The following FRMPD4 variants were observed in gnomAD, a reference collection of about 807,000 sequenced individuals.
The protein encoded by FRMPD4 is FERM and PDZ domain containing 4.
In FRMPD4, 22 loss-of-function variants were observed where a neutral mutation model predicts 94.1. The observed-to-expected ratio is 0.23, with a 90% CI of 0.17 to 0.33. The LOEUF (loss-of-function observed/expected upper bound fraction) is 0.33. FRMPD4 is among the 10% of genes least tolerant of loss of function. The probability of loss-of-function intolerance (pLI) is 1.00; values close to 1 mark genes in which losing one functional copy is unlikely to be tolerated. For synonymous variants in FRMPD4, 631 were observed against 548.6 expected (o/e 1.15, Z -2.10); for missense variants, 1,111 against 1,339.9 (o/e 0.83, Z 2.67).
chrX:11,955,593 T>C (rs6639109), intron 3 of FRMPD4, among the ~76,000 whole-genome samples: 5,209 of 109,358 alleles, frequency 0.048, 200 homozygotes, highest in East Asian at 0.24. Flanking sequence ...TACAAAAAAA[T>C]TAGCTGGGCG....
intron 1 of FRMPD4, among the ~76,000 whole-genome samples, chrX:12,292,746 A>G (rs755613764): frequency 8.1e-5 from 9 of 111,412 alleles, no homozygotes; most frequent in Non-Finnish European, 1.5e-4. Context: ...GCATTATTAT[A>G]AACAAACCAT....
chrX:12,463,698 GT>G (rs1357648486), intron 1 of FRMPD4, among the ~76,000 whole-genome samples: 7 of 81,462 alleles, frequency 8.6e-5, no homozygotes, highest in Admixed American at 1.7e-4. Flanking sequence ...TTTTGTTTTT[GT>G]TTTTTTTTTT....
intron 2 of FRMPD4, among the ~76,000 whole-genome samples, chrX:12,501,458 C>G (rs1418312117): frequency 2.3e-4 from 21 of 91,046 alleles, no homozygotes; most frequent in African/African-American, 7.7e-4. Flanking sequence ...TTTTTTTTTA[C>G]TTACTAGGTA....
intron 1 of FRMPD4, among the ~76,000 whole-genome samples, chrX:12,419,906 A>T (rs1164998985): frequency 1.8e-5 from 2 of 111,320 alleles, no homozygotes; most frequent in East Asian, 5.6e-4. Flanking sequence ...TTAAAGGTTA[A>T]CGACCTGTGG....
At chrX:12,168,711 C>T (rs377689427) in intron 1 of FRMPD4, among the ~76,000 whole-genome samples, 80 of 104,532 alleles carry the variant, frequency 7.7e-4, no homozygotes, top group African/African-American at 2.4e-3. Flanking sequence ...CTGCCAGCTC[C>T]GCCTCCTGGG....
intron 1 of FRMPD4, among the ~76,000 whole-genome samples, chrX:11,852,209 C>A (rs1401083491): frequency 1.8e-5 from 2 of 110,244 alleles, no homozygotes; most frequent in Admixed American, 1.9e-4. Flanking sequence ...TTACTAACAT[C>A]TGGGCCACAC....
intron 3 of FRMPD4, among the ~76,000 whole-genome samples, chrX:12,124,333 A>C (rs867745061): frequency 2.7e-5 from 3 of 111,693 alleles, no homozygotes; most frequent in Non-Finnish European, 5.6e-5. Flanking sequence ...TTTCTCCCAC[A>C]CTAGAAGGTA....
intron 3 of FRMPD4, among the ~76,000 whole-genome samples, chrX:11,994,388 A>G (rs151053338): frequency 9.0e-6 from 1 of 111,712 alleles, no homozygotes; most frequent in East Asian, 2.8e-4. Flanking sequence ...TGGCTCTAGT[A>G]CAGACCTCTC....
chrX:12,498,389 T>G (rs184769107), intron 1 of FRMPD4, among the ~76,000 whole-genome samples: 30 of 111,487 alleles, frequency 2.7e-4, no homozygotes, highest in Non-Finnish European at 5.5e-4. Flanking sequence ...AGACTGTGAC[T>G]ACAAGGCTGC....
intron 3 of FRMPD4, among the ~76,000 whole-genome samples, chrX:11,911,844 G>C: frequency 8.9e-6 from 1 of 112,062 alleles, no homozygotes; most frequent in Non-Finnish European, 1.9e-5. Flanking sequence ...AGCAATCAGA[G>C]GAAATAACCA....
intron 1 of FRMPD4, among the ~76,000 whole-genome samples, chrX:12,376,773 T>G (rs779728606): frequency 8.9e-6 from 1 of 112,990 alleles, no homozygotes; most frequent in African/African-American, 3.2e-5. Flanking sequence ...ATTATTTGGC[T>G]TATAACTCAG....
In FRMPD4 at chrX:12,067,278, C is replaced by T. The variant is rs188059435; in HGVS notation, c.95+189260C>T. Among the ~76,000 whole-genome samples the T allele has an allele frequency of 2.3e-3, 254 of 111,333 alleles. 1 individual carries two copies. Among genetic ancestry groups the T allele is most frequent in the Non-Finnish European group, 2.6e-3 (137 of 53,021 alleles). ...AGATAGCCACCGCACCTTTGATCCC[C>T]GGTTCTCCACTGGCTTGCAGACATT... On this transcript the variant is annotated intron_variant, in intron 3 of 18. Coordinates refer to the FRMPD4 transcript ENST00000640291.
chrX:12,302,690 T>C lies in FRMPD4; in HGVS notation c.41+163678T>C, dbSNP rs1463367138. On this transcript the variant is annotated intron_variant, in intron 1 of 16. Transcript: ENST00000675598. ...CCTACCTTCTGATAAGCTTAAGAAA[T>C]GTGGCTATTGCTCAAAGAGCTTATT... Among the ~76,000 whole-genome samples the C allele has an allele frequency of 4.5e-5, 5 of 111,908 alleles. No individual in the cohort carries two copies. In the Admixed American group the frequency reaches 4.7e-4, roughly 11 times the overall value.
At chrX:12,533,763 G>T (rs773083238) in intron 2 of FRMPD4, among the ~76,000 whole-genome samples, 1 of 112,361 alleles carries the variant, frequency 8.9e-6, no homozygotes, top group Non-Finnish European at 1.9e-5. Context: ...TTTCTAAGCA[G>T]CAAAGCATTG....
At chrX:12,084,303 T>C (rs775473323) in intron 3 of FRMPD4, among the ~76,000 whole-genome samples, 1 of 111,123 alleles carries the variant, frequency 9.0e-6, no homozygotes, top group Non-Finnish European at 1.9e-5. Flanking sequence ...CTAATTTTTC[T>C]CTTGCTGCCA....
intron 1 of FRMPD4, among the ~76,000 whole-genome samples, chrX:12,399,814 C>T (rs1330165499): frequency 1.8e-5 from 2 of 111,298 alleles, no homozygotes; most frequent in Non-Finnish European, 3.8e-5. Flanking sequence ...TGGACCCTCA[C>T]AGTTCAAACC....
chrX:12,451,351 GA>G (rs1021021984), intron 1 of FRMPD4, among the ~76,000 whole-genome samples: 1 of 111,748 alleles, frequency 8.9e-6, no homozygotes, highest in African/African-American at 3.2e-5. Context: ...ATTGTGTTTG[GA>G]AAATGGTTTT....
intron 3 of FRMPD4, among the ~76,000 whole-genome samples, chrX:12,096,616 G>C (rs777854515): frequency 8.9e-6 from 1 of 111,882 alleles, no homozygotes; most frequent in African/African-American, 3.3e-5. Flanking sequence ...TTGTGCAGTG[G>C]CTCATGCCTA....
chrX:12,441,539 C>T (rs763042314), intron 1 of FRMPD4, among the ~76,000 whole-genome samples: 43 of 111,780 alleles, frequency 3.8e-4, no homozygotes, highest in East Asian at 2.8e-4. Context: ...GGGAGACTCC[C>T]AGGATGCAAA....
Sources: gnomAD v4.1 joint callset for allele counts (sites outside exome capture counted in the v4.1 genomes callset) on GRCh38, gnomAD v4.1.1 for gene constraint, MANE v1.5 for transcripts, NCBI Gene and HGNC (gene_info 2026-07-23, HGNC 2026-07-21) for gene names.